NSUN6: variants seen among roughly 807,000 people sequenced by gnomAD.
NSUN6 encodes tRNA (cytosine(72)-C(5))-methyltransferase NSUN6.
In NSUN6, 64 loss-of-function variants were observed where a neutral mutation model predicts 58.0. The observed-to-expected ratio is 1.10, with a 90% CI of 0.90 to 1.36. NSUN6 has a LOEUF of 1.36. Ranked by LOEUF, NSUN6 falls within the 40% of genes most tolerant of loss-of-function variation. The pLI is 0.00. For missense variants in NSUN6, 701 were observed against 550.1 expected (o/e 1.27, Z -2.74); for synonymous variants, 231 against 193.9 (o/e 1.19, Z -1.59).
At position 18,556,446 on chromosome 10, in the gene NSUN6, G is replaced by A. The variant is rs1282321274; in HGVS notation, c.923-4475C>T. On this transcript the variant is annotated intron_variant, in intron 8 of 10. Transcript: ENST00000377304. ...AATGGAGAACTGAATGGAATGGAAT[G>A]CAGAATGGGATGAAATGGAGAATGG... 4.0e-5 allele frequency among the ~76,000 whole-genome samples: 6 copies of A among 150,518 alleles called. No individual in the cohort carries two copies. The East Asian group carries it at 1.0e-3, about 25-fold the overall frequency.
chr10:18,644,524 G>A (rs910454215), intron 2 of NSUN6, among the ~76,000 whole-genome samples: 2 of 147,054 alleles, frequency 1.4e-5, no homozygotes, highest in African/African-American at 5.1e-5. Context: ...ACTGTTAAGT[G>A]CTTACATATG....
chr10:18,586,327 G>A (rs1404950848), intron 7 of NSUN6, among the ~76,000 whole-genome samples: 1 of 152,126 alleles, frequency 6.6e-6, no homozygotes, highest in East Asian at 1.9e-4. Flanking sequence ...CTTGCGATGA[G>A]TGTTACAGTT....
intron 6 of NSUN6, among the ~76,000 whole-genome samples, chr10:18,602,890 G>C (rs2057902054): frequency 6.6e-6 from 1 of 152,174 alleles, no homozygotes; most frequent in African/African-American, 2.4e-5. Flanking sequence ...GCTACAAGTG[G>C]TAAGTCAAAG....
intron 6 of NSUN6, among the ~76,000 whole-genome samples, chr10:18,599,588 C>T (rs1235371998): frequency 6.6e-6 from 1 of 152,050 alleles, no homozygotes; most frequent in Non-Finnish European, 1.5e-5. Flanking sequence ...GAGCCATGCG[C>T]CACTGCTGGA....
At chr10:18,561,386 G>GAA (rs2055494423) in intron 8 of NSUN6, among the ~76,000 whole-genome samples, 1 of 81,552 alleles carries the variant, frequency 1.2e-5, no homozygotes, top group South Asian at 5.7e-4. Context: ...ATGGAATGCA[G>GAA]TGGTGAATGG....
At chr10:18,657,368 A>C (rs11015416), upstream of NSUN6, among the ~76,000 whole-genome samples, 29,529 of 152,128 alleles carry the variant, frequency 0.19, 3,165 homozygotes, top group Non-Finnish European at 0.24. Context: ...ATTGTTCATA[A>C]GAAAGGTGTT....
chr10:18,562,931 GGAATGGAATGGA>G (rs1283309814), intron 8 of NSUN6, among the ~76,000 whole-genome samples: 3 of 150,862 alleles, frequency 2.0e-5, no homozygotes, highest in South Asian at 2.1e-4. Flanking sequence ...AAGGAAGAAT[GGAATGGAATGGA>G]GAATGGAATG....
chr10:18,622,454 CT>C (rs1445984593), intron 3 of NSUN6, among the ~76,000 whole-genome samples: 6 of 152,180 alleles, frequency 3.9e-5, no homozygotes, highest in African/African-American at 1.4e-4. Flanking sequence ...TGGCTCATGC[CT>C]GTAATTCCAG....
chr10:18,645,421 A>C (rs534194108), intron 2 of NSUN6, among the ~76,000 whole-genome samples: 1 of 152,242 alleles, frequency 6.6e-6, no homozygotes, highest in East Asian at 1.9e-4. Context: ...TGGGTCCCAC[A>C]TCCTTTATCT....
intron 8 of NSUN6, among the ~76,000 whole-genome samples, chr10:18,562,986 T>C (rs1043177713): frequency 1.4e-5 from 2 of 144,916 alleles, no homozygotes; most frequent in African/African-American, 5.2e-5. Flanking sequence ...GAATGGAGAA[T>C]GGAATGGAAA....
intron 8 of NSUN6, among the ~76,000 whole-genome samples, chr10:18,574,898 G>C (rs1254729313): frequency 6.6e-6 from 1 of 152,092 alleles, no homozygotes; most frequent in African/African-American, 2.4e-5. Context: ...CCTTTCTTTT[G>C]AAAGTCGAGG....
intron 8 of NSUN6, among the ~76,000 whole-genome samples, chr10:18,554,347 G>C (rs1037641321): frequency 2.6e-5 from 4 of 151,052 alleles, no homozygotes; most frequent in African/African-American, 9.7e-5. Context: ...ATGGAATGGA[G>C]AGTGAACTGG....
chr10:18,616,151 A>G, intron 4 of NSUN6, 33 bp downstream of exon 4: 1 of 1,161,674 alleles, frequency 8.6e-7, no homozygotes, highest in Non-Finnish European at 1.3e-6. Context: ...AATTTTAGAG[A>G]ACCTTAAAGA....
chr10:18,557,503 G>C (rs1197326044), intron 8 of NSUN6, among the ~76,000 whole-genome samples: 1 of 151,338 alleles, frequency 6.6e-6, no homozygotes, highest in African/African-American at 2.4e-5. Flanking sequence ...GAATGGAATG[G>C]AGAATAGAAT....
chr10:18,634,855 G>T (rs924927424), intron 3 of NSUN6, among the ~76,000 whole-genome samples: 2 of 151,952 alleles, frequency 1.3e-5, no homozygotes, highest in African/African-American at 4.8e-5. Context: ...AAAAAAAAAA[G>T]TTAAAGTAAC....
chr10:18,623,773 A>G (rs7099423), intron 3 of NSUN6, among the ~76,000 whole-genome samples: 29,962 of 152,186 alleles, frequency 0.2, 3,241 homozygotes, highest in South Asian at 0.31. Flanking sequence ...AGATTAAATG[A>G]AAAAGAAAGC....
chr10:18,650,675 TAA>T (rs2059677649), intron 1 of NSUN6, among the ~76,000 whole-genome samples: 2 of 152,162 alleles, frequency 1.3e-5, no homozygotes, highest in South Asian at 4.1e-4. Context: ...TCAAGTCTAT[TAA>T]AAGAGGAAAA....
At chr10:18,590,507 T>C (rs1023340832) in intron 7 of NSUN6, among the ~76,000 whole-genome samples, 1 of 151,968 alleles carries the variant, frequency 6.6e-6, no homozygotes, top group African/African-American at 2.4e-5. Flanking sequence ...TAACTGGGAG[T>C]AAAACACTCC....
At chr10:18,641,227 C>G (rs1173875660) in intron 3 of NSUN6, among the ~76,000 whole-genome samples, 1 of 151,990 alleles carries the variant, frequency 6.6e-6, no homozygotes, top group African/African-American at 2.4e-5. Flanking sequence ...TTTTAACAAA[C>G]TTCAATTTTA....
Sources: gnomAD v4.1 joint callset for allele counts (sites outside exome capture counted in the v4.1 genomes callset) on GRCh38, gnomAD v4.1.1 for gene constraint, MANE v1.5 for transcripts, NCBI Gene and HGNC (gene_info 2026-07-23, HGNC 2026-07-21) for gene names.